ANO10: variants seen among roughly 807,000 people sequenced by gnomAD.
ANO10 encodes anoctamin-10.
In ANO10, 77 loss-of-function variants were observed where a neutral mutation model predicts 74.7. That is an observed-to-expected ratio of 1.03 (90% CI 0.86 to 1.25). ANO10 has a LOEUF of 1.25. ANO10 is among the 50% of genes most tolerant of loss of function. The pLI is 0.00. For synonymous variants in ANO10, 279 were observed against 284.9 expected (o/e 0.98, Z 0.21); for missense variants, 721 against 778.1 (o/e 0.93, Z 0.87).
chr3:43,396,671 T>C (rs1446476891), intron 12 of ANO10, among the ~76,000 whole-genome samples: 1 of 151,758 alleles, frequency 6.6e-6, no homozygotes, highest in East Asian at 1.9e-4. Context: ...TTTCTTTTTT[T>C]TCCCCCAGAG....
intron 10 of ANO10, among the ~76,000 whole-genome samples, chr3:43,553,537 C>CTTTTTTT (rs1259828062): frequency 3.0e-4 from 31 of 102,664 alleles, no homozygotes; most frequent in African/African-American, 1.1e-3. Context: ...GATAATTTCT[C>CTTTTTTT]TCTTTTTTTT....
chr3:43,443,407 G>A (rs183538133), intron 11 of ANO10, among the ~76,000 whole-genome samples: 2 of 152,278 alleles, frequency 1.3e-5, no homozygotes, highest in Admixed American at 1.3e-4. Flanking sequence ...GGTAGGTCTG[G>A]ACTTTAGGCA....
chr3:43,380,086 G>C (rs2091917547), intron 12 of ANO10, among the ~76,000 whole-genome samples: 1 of 152,102 alleles, frequency 6.6e-6, no homozygotes, highest in South Asian at 2.1e-4. Context: ...ACAGAAGACA[G>C]AATTTCAGAG....
chr3:43,548,561 C>T (rs2149303832), intron 11 of ANO10, among the ~76,000 whole-genome samples: 1 of 152,266 alleles, frequency 6.6e-6, no homozygotes, highest in Admixed American at 6.5e-5. Flanking sequence ...AAGAGCAAAG[C>T]AGAATATATT....
At chr3:43,480,284 G>A (rs924169244) in intron 11 of ANO10, among the ~76,000 whole-genome samples, 4 of 152,168 alleles carry the variant, frequency 2.6e-5, no homozygotes, top group African/African-American at 9.7e-5. Flanking sequence ...AGAACATGGA[G>A]AAAAGATAAT....
At chr3:43,600,247 G>A in intron 3 of ANO10, 137 bp downstream of exon 3, 2 of 941,700 alleles carry the variant, frequency 2.1e-6, no homozygotes, top group Non-Finnish European at 3.4e-6. Context: ...TTGCAGCAGA[G>A]ACCACACGGA....
chr3:43,383,358 A>C (rs111841076), intron 12 of ANO10, among the ~76,000 whole-genome samples: 3 of 151,702 alleles, frequency 2.0e-5, no homozygotes, highest in African/African-American at 7.3e-5. Flanking sequence ...GGAGGCTGAC[A>C]CAGGAGAATG....
At chr3:43,392,767 C>T (rs1219412395) in intron 12 of ANO10, among the ~76,000 whole-genome samples, 2 of 152,174 alleles carry the variant, frequency 1.3e-5, no homozygotes, top group Non-Finnish European at 2.9e-5. Context: ...CTATTTCTCT[C>T]CTCTCTTTTC....
rs1295308584 is a variant in ANO10, at chr3:43,366,941, C to A, written c.1948G>T (p.Glu650Ter). The change falls in exon 13 of 13, where the codon GAA becomes TAA. Residue 650 changes from glutamate (E) to a stop codon, truncating the protein, a stop_gained. Coordinates refer to ENST00000292246, the MANE Select transcript of ANO10 (RefSeq NM_018075.5). LOFTEE classifies it high-confidence loss of function. The part of the protein sequence containing the change: ...MKLVTENLKE[E>*]PMESGKEKAT Reference sequence around the variant, plus strand: ...TTCTCCTTCCCGCTTTCCATTGGTTCCTCCTTCAGGTTCTCGGTCACGAGC... The same window carrying A: ...TTCTCCTTCCCGCTTTCCATTGGTTACTCCTTCAGGTTCTCGGTCACGAGC... The A allele has an allele frequency of 1.0e-5, 16 of 1,601,454 alleles. No homozygotes were observed. The highest frequency in any genetic ancestry group is 1.4e-5 in the Non-Finnish European group (16 of 1,173,970).
At chr3:43,551,474 G>A in intron 10 of ANO10, 1 of 456,640 alleles carries the variant, frequency 2.2e-6, no homozygotes, top group Non-Finnish European at 4.4e-6. Context: ...GTATTTACCT[G>A]TGAAACCACC....
rs12633292 is a variant in ANO10, at chr3:43,518,433, T to C, written c.1797+31287A>G. On this transcript the variant is annotated intron_variant, in intron 11 of 12. Coordinates refer to ENST00000292246, the MANE Select transcript of ANO10 (RefSeq NM_018075.5). ...TTGCGTTATCTGCACAAATTGTTTG[T>C]AGAGCATGTGTGTTTGAACAATATG... Among the ~76,000 whole-genome samples, 52 of 152,272 alleles carry C rather than the reference T, an allele frequency of 3.4e-4. No individual in the cohort carries two copies. In the South Asian group the frequency reaches 5.6e-3, roughly 16 times the overall value.
chr3:43,561,789 ACAT>A (rs1290393399), intron 8 of ANO10, among the ~76,000 whole-genome samples: 1 of 152,220 alleles, frequency 6.6e-6, no homozygotes, highest in East Asian at 1.9e-4. Context: ...ATGTATTAAA[ACAT>A]CACCAAGTAC....
At chr3:43,619,661 G>A (rs932286916) in intron 1 of ANO10, among the ~76,000 whole-genome samples, 8 of 151,272 alleles carry the variant, frequency 5.3e-5, no homozygotes, top group African/African-American at 1.9e-4. Flanking sequence ...ACCAGCCTGG[G>A]CAACATGGCG....
intron 12 of ANO10, among the ~76,000 whole-genome samples, chr3:43,391,125 C>T (rs2092263916): frequency 6.6e-6 from 1 of 152,180 alleles, no homozygotes; most frequent in Non-Finnish European, 1.5e-5. Context: ...AGACATTATG[C>T]CCTTTTACAA....
intron 8 of ANO10, 54 bp downstream of exon 8, chr3:43,565,599 G>C: frequency 1.5e-6 from 2 of 1,375,132 alleles, no homozygotes; most frequent in South Asian, 2.7e-5. Context: ...TCTAAAGATA[G>C]AAAACCACCT....
intron 11 of ANO10, among the ~76,000 whole-genome samples, chr3:43,490,312 A>G (rs996237743): frequency 2.0e-5 from 3 of 152,174 alleles, no homozygotes; most frequent in Non-Finnish European, 4.4e-5. Flanking sequence ...TCCTGTTGCA[A>G]TAAGTTTCCA....
At chr3:43,516,866 TAGGA>T (rs1004047830) in intron 11 of ANO10, among the ~76,000 whole-genome samples, 1 of 152,006 alleles carries the variant, frequency 6.6e-6, no homozygotes, top group South Asian at 2.1e-4. Flanking sequence ...TAAAACAGAG[TAGGA>T]AGGAAGCACA....
At chr3:43,472,685 T>C (rs998375193) in intron 11 of ANO10, 16 of 151,930 alleles carry the variant, frequency 1.1e-4, no homozygotes, top group African/African-American at 3.9e-4. Context: ...GGAGGAAAAA[T>C]TGCTATAAAA....
chr3:43,510,635 T>G (rs2077475530), intron 11 of ANO10, among the ~76,000 whole-genome samples: 1 of 152,148 alleles, frequency 6.6e-6, no homozygotes, highest in South Asian at 2.1e-4. Flanking sequence ...CAACTGCATA[T>G]GAATCTCCAA....
Sources: gnomAD v4.1 joint callset for allele counts (sites outside exome capture counted in the v4.1 genomes callset) on GRCh38, gnomAD v4.1.1 for gene constraint, MANE v1.5 for transcripts, NCBI Gene and HGNC (gene_info 2026-07-23, HGNC 2026-07-21) for gene names.